The following FRMD4A variants were observed in gnomAD, a reference collection of about 807,000 sequenced individuals.
The protein encoded by FRMD4A is FERM domain-containing protein 4A.
A neutral mutation model predicts 129.1 loss-of-function variants in FRMD4A; 29 were observed. The ratio of observed to expected loss-of-function variants is 0.22; its 90% CI spans 0.17 to 0.31. FRMD4A has a LOEUF of 0.31. Ranked by LOEUF, FRMD4A falls within the 10% of genes least tolerant of loss-of-function variation. FRMD4A has a pLI of 1.00. For synonymous variants in FRMD4A, 634 were observed against 571.6 expected (o/e 1.11, Z -1.56); for missense variants, 1,272 against 1,375.8 (o/e 0.92, Z 1.19).
At chr10:13,834,502 C>T (rs747412120) in intron 3 of FRMD4A, among the ~76,000 whole-genome samples, 9 of 152,148 alleles carry the variant, frequency 5.9e-5, no homozygotes, top group South Asian at 2.1e-4. Flanking sequence ...CCCCTTCCCC[C>T]GGAGGCTTCT....
At chr10:13,691,515 T>A (rs1009056084) in intron 15 of FRMD4A, among the ~76,000 whole-genome samples, 2 of 152,080 alleles carry the variant, frequency 1.3e-5, no homozygotes, top group Non-Finnish European at 2.9e-5. Context: ...GCTTGTCTCT[T>A]CCTCAGCAAC....
At chr10:14,256,713 T>C (rs1031381553) in intron 2 of FRMD4A, among the ~76,000 whole-genome samples, 1 of 152,214 alleles carries the variant, frequency 6.6e-6, no homozygotes, top group Non-Finnish European at 1.5e-5. Context: ...CTGGGTGCAG[T>C]GGATCATGCC....
chr10:13,732,458 C>A (rs1185665220), intron 12 of FRMD4A, among the ~76,000 whole-genome samples: 1 of 152,150 alleles, frequency 6.6e-6, no homozygotes, highest in African/African-American at 2.4e-5. Flanking sequence ...CGCCTCTGGG[C>A]TCTGAAAAGG....
intron 2 of FRMD4A, among the ~76,000 whole-genome samples, chr10:14,312,766 T>C (rs895094090): frequency 4.6e-5 from 7 of 152,144 alleles, no homozygotes; most frequent in African/African-American, 1.7e-4. Flanking sequence ...ATCAGGAGGC[T>C]GAGGTGGAAG....
chr10:14,128,033 T>TC (rs1838998473), intron 2 of FRMD4A, among the ~76,000 whole-genome samples: 1 of 143,622 alleles, frequency 7.0e-6, no homozygotes, highest in African/African-American at 2.6e-5. Context: ...CCTTCCTTCC[T>TC]TCCTTTCTTT....
chr10:13,868,712 T>C (rs988322253), intron 2 of FRMD4A, among the ~76,000 whole-genome samples: 4 of 152,014 alleles, frequency 2.6e-5, no homozygotes, highest in African/African-American at 9.7e-5. Flanking sequence ...GGTGGGAGGA[T>C]TGCCTGAGCC....
At position 14,188,249 on chromosome 10, in the gene FRMD4A, C is replaced by G. The variant is rs111546895; in HGVS notation, c.45+141809G>C. Among the ~76,000 whole-genome samples the G allele has an allele frequency of 8.2e-3, 1,252 of 152,292 alleles. 15 individuals carry two copies. Among genetic ancestry groups the G allele is most frequent in the African/African-American group, 0.028 (1,179 of 41,566 alleles). Reference sequence around the variant, plus strand: ...ACCTTTCTGGACGCCTGCCTCTCCCCCTGTGCCAAGGACCCATGACCTGCT... The same window carrying G: ...ACCTTTCTGGACGCCTGCCTCTCCCGCTGTGCCAAGGACCCATGACCTGCT... On this transcript the variant is annotated intron_variant, in intron 2 of 24. Coordinates refer to ENST00000357447, the MANE Select transcript of FRMD4A (RefSeq NM_018027.5).
In FRMD4A at chr10:14,206,242, AC is replaced by A. The variant is rs568834437; in HGVS notation, c.45+123815del. On this transcript the variant is annotated intron_variant, in intron 2 of 24. Coordinates refer to ENST00000357447, the MANE Select transcript of FRMD4A (RefSeq NM_018027.5). ...TCATAACCCTCTCAACACAAGGCGCACTTTTCTTCTTTCCATCCCAGCAACA... is the reference window on the plus strand; with the variant it reads ...TCATAACCCTCTCAACACAAGGCGCATTTTCTTCTTTCCATCCCAGCAACA... Among the ~76,000 whole-genome samples the A allele has an allele frequency of 6.0e-3, 912 of 152,298 alleles. 7 individuals are homozygous for A. The highest frequency in any genetic ancestry group is 8.0e-3 in the Non-Finnish European group (544 of 68,024).
chr10:14,191,787 A>G (rs1589149337), intron 2 of FRMD4A, among the ~76,000 whole-genome samples: 1 of 122,500 alleles, frequency 8.2e-6, no homozygotes, highest in African/African-American at 2.9e-5. Context: ...TTTCAGCTCA[A>G]CTGGCTGTTT....
Position 14,324,743 on chromosome 10 carries a change from CTCT to C in FRMD4A, c.45+5312_45+5314del, listed in dbSNP as rs1843199931. On this transcript the variant is annotated intron_variant, in intron 2 of 24. Transcript: ENST00000357447. ...TGCGCCGATCTCGGCTCACGGCAAC[CTCT>C]GCCTCCTTGGTTCAAGTGATTCTCC... Among the ~76,000 whole-genome samples, 4 of 152,342 alleles carry C rather than the reference CTCT, an allele frequency of 2.6e-5. No individual in the cohort carries two copies. In the South Asian group the frequency reaches 8.3e-4, roughly 32 times the overall value.
chr10:14,032,758 G>T (rs1428037521), intron 2 of FRMD4A, among the ~76,000 whole-genome samples: 1 of 152,168 alleles, frequency 6.6e-6, no homozygotes, highest in African/African-American at 2.4e-5. Context: ...CTGTTGCTAG[G>T]AGCCAGCATC....
At chr10:14,012,187 G>T (rs1225752493) in intron 2 of FRMD4A, among the ~76,000 whole-genome samples, 1 of 151,560 alleles carries the variant, frequency 6.6e-6, no homozygotes, top group Non-Finnish European at 1.5e-5. Context: ...CCTCAGGGAT[G>T]GGGGGCAGTC....
intron 2 of FRMD4A, among the ~76,000 whole-genome samples, chr10:14,013,521 A>G (rs760068085): frequency 2.6e-4 from 39 of 152,176 alleles, no homozygotes; most frequent in Non-Finnish European, 4.9e-4. Context: ...GAAGAGAGAC[A>G]TCTCTTGGAC....
intron 4 of FRMD4A, among the ~76,000 whole-genome samples, chr10:13,805,235 T>G (rs990349102): frequency 6.6e-6 from 1 of 151,804 alleles, no homozygotes; most frequent in Non-Finnish European, 1.5e-5. Flanking sequence ...CCTTCAATAC[T>G]TGGGCTCAAG....
intron 21 of FRMD4A, among the ~76,000 whole-genome samples, chr10:13,657,978 C>T (rs1360801198): frequency 6.6e-6 from 1 of 151,358 alleles, no homozygotes; most frequent in Non-Finnish European, 1.5e-5. Flanking sequence ...TCATCTCTTA[C>T]AAATAAATTA....
chr10:14,082,809 A>T (rs922245494), intron 2 of FRMD4A: 1 of 152,204 alleles, frequency 6.6e-6, no homozygotes, highest in African/African-American at 2.4e-5. Flanking sequence ...TTTGGCTGTG[A>T]CTGATCTGCA....
At position 13,660,329 on chromosome 10, in the gene FRMD4A, G is replaced by C; in HGVS notation, c.1885C>G (p.His629Asp). The change falls in exon 20 of 25, where the codon CAC becomes GAC. Residue 629 changes from histidine (H) to aspartate (D), a missense_variant. By Grantham distance (81) the His-to-Asp change is moderately conservative (BLOSUM62 -1). This residue lies in a region of FRMD4A where 972 missense variants were observed against 892.3 expected (regional missense o/e 1.09). Coordinates refer to ENST00000357447, the MANE Select transcript of FRMD4A (RefSeq NM_018027.5). Reference sequence around the variant, plus strand: ...GATGCAGCTCACCTGGAATGGCTGTGAGAGGAGCGCTTCTTGACCTTCTCA... The same window carrying C: ...GATGCAGCTCACCTGGAATGGCTGTCAGAGGAGCGCTTCTTGACCTTCTCA... ...PYEKVKKRSS[H>D]SHSSSHKRFP... The C allele has an allele frequency of 1.2e-6, 2 of 1,610,826 alleles. No homozygotes were observed. The highest frequency in any genetic ancestry group is 1.7e-6 in the Non-Finnish European group (2 of 1,177,012).
At chr10:14,283,148 C>T (rs1374275302) in intron 2 of FRMD4A, among the ~76,000 whole-genome samples, 1 of 152,226 alleles carries the variant, frequency 6.6e-6, no homozygotes, top group Non-Finnish European at 1.5e-5. Flanking sequence ...ACAGTGTCAA[C>T]AGAAAACAGC....
intron 2 of FRMD4A, among the ~76,000 whole-genome samples, chr10:13,902,839 CAAA>C (rs113445035): frequency 5.1e-5 from 5 of 97,150 alleles, no homozygotes; most frequent in Admixed American, 1.1e-4. Context: ...GATGCAGTCT[CAAA>C]AAAAAAAAAA....
Sources: allele counts gnomAD v4.1 joint callset (sites outside exome capture counted in the v4.1 genomes callset), GRCh38; gene constraint gnomAD v4.1.1; regional missense constraint gnomAD v4.1.1; transcripts MANE v1.5; gene names NCBI Gene and HGNC (gene_info 2026-07-23, HGNC 2026-07-21).